MED13: variants seen among roughly 807,000 people sequenced by gnomAD.
The protein encoded by MED13 is mediator complex subunit 13.
Under a neutral mutation model 225.2 loss-of-function variants are expected in MED13, and 23 were observed. The observed-to-expected ratio is 0.10, with a 90% CI of 0.07 to 0.14. The LOEUF (loss-of-function observed/expected upper bound fraction) is 0.14. Ranked by LOEUF, MED13 falls within the 10% of genes least tolerant of loss-of-function variation. The pLI is 1.00. For missense variants in MED13, 2,197 were observed against 2,594.5 expected, an observed-to-expected ratio of 0.85 and a Z score of 3.33; for synonymous variants, 942 against 889.2, an observed-to-expected ratio of 1.06 and a Z score of -1.06.
chr17:61,983,416 T>G (rs1387793711), intron 15 of MED13, among the ~76,000 whole-genome samples: 2 of 152,194 alleles, frequency 1.3e-5, no homozygotes, highest in Non-Finnish European at 2.9e-5. Flanking sequence ...CTAGAAATAC[T>G]TATATTTCCT....
At chr17:61,984,083 T>C (rs530245744) in intron 15 of MED13, 88 bp downstream of exon 15, 2 of 1,068,058 alleles carry the variant, frequency 1.9e-6, no homozygotes, top group South Asian at 2.6e-5. Flanking sequence ...AAACCAATTT[T>C]ATTTTTCCAG....
At chr17:62,022,751 T>C (rs577659241) in intron 8 of MED13, among the ~76,000 whole-genome samples, 1 of 152,324 alleles carries the variant, frequency 6.6e-6, no homozygotes, top group East Asian at 1.9e-4. Flanking sequence ...GGCTCATGCC[T>C]GTAATCTCAG....
intron 3 of MED13, among the ~76,000 whole-genome samples, chr17:62,037,953 C>T (rs1424164258): frequency 2.7e-5 from 1 of 37,058 alleles, no homozygotes; most frequent in Non-Finnish European, 4.5e-5. Flanking sequence ...GAGACTTCAT[C>T]TCAAAAAAAA....
At chr17:62,055,494 AT>A (rs1201293163) in intron 2 of MED13, among the ~76,000 whole-genome samples, 1 of 152,020 alleles carries the variant, frequency 6.6e-6, no homozygotes, top group African/African-American at 2.4e-5. Context: ...TGTAAAATCT[AT>A]TTTAGTTAAA....
At chr17:62,036,753 C>A (rs2080807020) in intron 3 of MED13, 1 of 152,206 alleles carries the variant, frequency 6.6e-6, no homozygotes, top group Non-Finnish European at 1.5e-5. Context: ...CATATGGAGT[C>A]AATACAAAAT....
In MED13 at chr17:62,035,560, A is replaced by G; in HGVS notation, c.519T>C (p.Asn173=). The change falls in exon 4 of 30, where the codon AAT becomes AAC. Residue 173 remains asparagine (N), a synonymous_variant. Coordinates refer to ENST00000397786, the MANE Select transcript of MED13 (RefSeq NM_005121.3). ...GGTTAATTTCCACACTGGTACAAACATTGCTGTCTCCATGCAAGAAAAAGG... is the reference window on the plus strand; with the variant it reads ...GGTTAATTTCCACACTGGTACAAACGTTGCTGTCTCCATGCAAGAAAAAGG... ...SFTFFLHGDS[N]VCTSVEINQH... 1 of 1,613,848 alleles carries G rather than the reference A, an allele frequency of 6.2e-7. No homozygotes were observed. The highest frequency in any genetic ancestry group is 8.5e-7 in the Non-Finnish European group (1 of 1,179,858).
chr17:62,038,006 T>G (rs533336830), intron 3 of MED13, among the ~76,000 whole-genome samples: 1 of 144,536 alleles, frequency 6.9e-6, no homozygotes, highest in Non-Finnish European at 1.5e-5. Context: ...CTAGGAGACC[T>G]GAATTTTATA....
At chr17:62,015,264 T>C (rs200204314) in intron 8 of MED13, among the ~76,000 whole-genome samples, 10 of 152,204 alleles carry the variant, frequency 6.6e-5, no homozygotes, top group Non-Finnish European at 1.3e-4. Context: ...TAGAGCCGCA[T>C]ACTGAAGTAC....
intron 16 of MED13, among the ~76,000 whole-genome samples, chr17:61,973,337 G>A (rs911682318): frequency 6.6e-6 from 1 of 151,906 alleles, no homozygotes; most frequent in Non-Finnish European, 1.5e-5. Flanking sequence ...AAAAAAAGTA[G>A]ACTTTAACAA....
intron 8 of MED13, among the ~76,000 whole-genome samples, chr17:62,020,598 C>T (rs1047981883): frequency 4.0e-5 from 6 of 150,788 alleles, no homozygotes; most frequent in African/African-American, 1.5e-4. Flanking sequence ...CCAGGATGGT[C>T]TCGATCTTTT....
chr17:62,039,388 T>C (rs117448296), intron 3 of MED13, among the ~76,000 whole-genome samples: 5,301 of 152,058 alleles, frequency 0.035, 120 homozygotes, highest in Non-Finnish European at 0.055. Flanking sequence ...GTTAAAGCGA[T>C]TCTTCTTCCT....
chr17:61,967,561 G>A (rs1364623503), intron 18 of MED13, among the ~76,000 whole-genome samples: 1 of 152,130 alleles, frequency 6.6e-6, no homozygotes, highest in Non-Finnish European at 1.5e-5. Context: ...ATTGCGCCTG[G>A]TGATGGATAT....
In MED13 at chr17:62,010,896, A is replaced by C. The variant is rs1465003587; in HGVS notation, c.1621T>G (p.Cys541Gly). ...PQPPPLSPHPCDVVDEGVTKT... is the reference protein window; with the variant it reads ...PQPPPLSPHPGDVVDEGVTKT... ...GTCACTCCTTCATCAACCACATCAC[A>C]AGGGTGAGGACTAAGTGGGGGTGGT... is the stretch of plus-strand genomic sequence containing the variant. The change falls in exon 9 of 30, where the codon TGT becomes GGT. Residue 541 changes from cysteine to glycine, a missense_variant. Cys to Gly is a radical substitution (Grantham distance 159, BLOSUM62 -3). This residue lies in a region of MED13 where 884 missense variants were observed against 918.5 expected (regional missense o/e 0.96). Coordinates refer to ENST00000397786, the MANE Select transcript of MED13 (RefSeq NM_005121.3). 7 of 1,614,096 alleles carry C rather than the reference A, an allele frequency of 4.3e-6. No individual in the cohort carries two copies. In the South Asian group the frequency reaches 7.7e-5, roughly 18 times the overall value.
At chr17:62,030,723 G>C in intron 6 of MED13, 1 of 152,156 alleles carries the variant, frequency 6.6e-6, no homozygotes, top group East Asian at 1.9e-4. Context: ...ATTGTAAAAA[G>C]TTCTTCTGTG....
intron 9 of MED13, among the ~76,000 whole-genome samples, chr17:62,008,422 T>C (rs1230381182): frequency 1.3e-5 from 2 of 151,908 alleles, no homozygotes; most frequent in Admixed American, 6.6e-5. Context: ...CTTGTGACAT[T>C]TCTAAAGCTA....
In MED13 at chr17:62,064,647, T is replaced by C. The variant is rs142915621; in HGVS notation, c.66+493A>G. ...ACCCAAGAAAGAAACTAACCTGGCG[T>C]TAGTTTGACTCATACAAAAAAAATG... On this transcript the variant is annotated intron_variant, in intron 1 of 29. Transcript: ENST00000397786. 2.0e-4 allele frequency among the ~76,000 whole-genome samples: 31 copies of C among 152,232 alleles called. No homozygotes were observed. The East Asian group carries it at 5.6e-3, about 27-fold the overall frequency.
chr17:62,038,935 A>G (rs912687700), intron 3 of MED13, among the ~76,000 whole-genome samples: 1 of 152,056 alleles, frequency 6.6e-6, no homozygotes, highest in African/African-American at 2.4e-5. Flanking sequence ...TTGGCCTCCC[A>G]AAGTGCTGAG....
Position 61,984,816 on chromosome 17 carries a change from T to A in MED13, c.2526A>T (p.Gln842His), listed in dbSNP as rs1282921208. Residue 842 changes from glutamine to histidine, a missense_variant, in exon 14 of 30, where the codon CAA becomes CAT. Physicochemically the swap from Gln to His is conservative, Grantham distance 24 (BLOSUM62 0). Transcript: ENST00000397786. ...TCATTGGGGAAAATCCCATAATATG[T>A]TGTTCCAATGATGGTGGTGTAGGAT... ...KMYPTPPSLE[Q>H]HIMGFSPMNM... is the part of the protein sequence containing the mutation. The A allele has an allele frequency of 1.2e-6, 2 of 1,613,624 alleles. No homozygotes were observed. The highest frequency in any genetic ancestry group is 3.3e-5 in the Admixed American group (2 of 60,008).
At chr17:62,058,017 GAA>G (rs2081008743) in intron 2 of MED13, among the ~76,000 whole-genome samples, 1 of 152,070 alleles carries the variant, frequency 6.6e-6, no homozygotes, top group Non-Finnish European at 1.5e-5. Context: ...AAAATACACA[GAA>G]AACTCTCCTT....
Sources: allele counts gnomAD v4.1 joint callset (sites outside exome capture counted in the v4.1 genomes callset), GRCh38; gene constraint gnomAD v4.1.1; regional missense constraint gnomAD v4.1.1; transcripts MANE v1.5; gene names NCBI Gene and HGNC (gene_info 2026-07-23, HGNC 2026-07-21).